Variants in PTPRG observed in about 807,000 individuals in gnomAD.
The protein encoded by PTPRG is receptor-type tyrosine-protein phosphatase gamma.
In PTPRG, 102 loss-of-function variants were observed where a neutral mutation model predicts 165.3. The ratio of observed to expected loss-of-function variants is 0.62; its 90% CI spans 0.53 to 0.73. The LOEUF (loss-of-function observed/expected upper bound fraction) is 0.73. Ranked by LOEUF, PTPRG falls within the 30% of genes least tolerant of loss-of-function variation. The probability of loss-of-function intolerance (pLI) is 0.00; values close to 1 mark genes in which losing one functional copy is unlikely to be tolerated. For missense variants in PTPRG, 1,866 were observed against 1,861.4 expected (o/e 1.00, Z -0.05); for synonymous variants, 675 against 669.5 (o/e 1.01, Z -0.13).
chr3:62,196,752 A>G (rs1401105872), intron 10 of PTPRG, among the ~76,000 whole-genome samples: 1 of 152,178 alleles, frequency 6.6e-6, no homozygotes, highest in Non-Finnish European at 1.5e-5. Context: ...CAAATAAGAA[A>G]ACCACGCCAG....
chr3:61,602,316 C>T (rs113749802), intron 1 of PTPRG, among the ~76,000 whole-genome samples: 182 of 152,180 alleles, frequency 1.2e-3, no homozygotes, highest in Admixed American at 1.9e-3. Flanking sequence ...AATATGCCAC[C>T]TGCCCCCTTG....
At chr3:62,040,541 C>T (rs1025218003) in intron 4 of PTPRG, among the ~76,000 whole-genome samples, 1 of 152,210 alleles carries the variant, frequency 6.6e-6, no homozygotes, top group Non-Finnish European at 1.5e-5. Context: ...ACAGCCTCCA[C>T]CTCCAGGGTT....
intron 4 of PTPRG, among the ~76,000 whole-genome samples, chr3:62,057,151 T>C (rs17065828): frequency 0.21 from 31,991 of 152,070 alleles, 3,502 homozygotes; most frequent in Admixed American, 0.27. Flanking sequence ...TATTTGCAAT[T>C]GAGATCAGAG....
chr3:61,818,287 A>G (rs2035847895), intron 2 of PTPRG, among the ~76,000 whole-genome samples: 2 of 152,240 alleles, frequency 1.3e-5, no homozygotes, highest in African/African-American at 4.8e-5. Flanking sequence ...AGAATGTGAT[A>G]GATGGTATGA....
At chr3:62,098,569 AAC>A (rs1702189912) in intron 5 of PTPRG, among the ~76,000 whole-genome samples, 1 of 152,170 alleles carries the variant, frequency 6.6e-6, no homozygotes. Context: ...CATTAAAAAA[AAC>A]AGAGTTGGGG....
intron 1 of PTPRG, among the ~76,000 whole-genome samples, chr3:61,676,851 C>T (rs1391567341): frequency 1.3e-5 from 2 of 152,142 alleles, no homozygotes; most frequent in Non-Finnish European, 2.9e-5. Context: ...CTTTTATTGG[C>T]TTCCATAGCT....
At chr3:61,943,297 A>G (rs2039678877) in intron 2 of PTPRG, among the ~76,000 whole-genome samples, 1 of 152,206 alleles carries the variant, frequency 6.6e-6, no homozygotes, top group African/African-American at 2.4e-5. Context: ...TGACAAAAAT[A>G]CATGTAATAG....
chr3:61,594,725 C>T (rs1173411344), intron 1 of PTPRG, among the ~76,000 whole-genome samples: 1 of 152,220 alleles, frequency 6.6e-6, no homozygotes, highest in Non-Finnish European at 1.5e-5. Flanking sequence ...GTGGCGCCGA[C>T]ATCCATCACT....
At chr3:62,108,673 C>T (rs1027991014) in intron 5 of PTPRG, among the ~76,000 whole-genome samples, 11 of 152,156 alleles carry the variant, frequency 7.2e-5, no homozygotes, top group African/African-American at 2.2e-4. Flanking sequence ...AGTGTAAAAG[C>T]GTTCCTATTT....
intron 2 of PTPRG, chr3:61,769,578 C>T (rs1047707259): frequency 2.6e-4 from 40 of 152,060 alleles, no homozygotes; most frequent in African/African-American, 8.2e-4. Flanking sequence ...TAGATGCCCA[C>T]TAATGGTTTG....
At chr3:62,241,143 T>A (rs576884742) in intron 14 of PTPRG, among the ~76,000 whole-genome samples, 1 of 152,180 alleles carries the variant, frequency 6.6e-6, no homozygotes, top group Non-Finnish European at 1.5e-5. Flanking sequence ...GCCTAATTTT[T>A]CTGCAAAGAT....
At chr3:62,060,873 G>A (rs115542564) in intron 4 of PTPRG, among the ~76,000 whole-genome samples, 9,204 of 152,194 alleles carry the variant, frequency 0.06, 383 homozygotes, top group South Asian at 0.16. Context: ...AATACATGGA[G>A]TTCTGTAACT....
chr3:62,113,149 A>C (rs1702729646), intron 5 of PTPRG, among the ~76,000 whole-genome samples: 2 of 152,174 alleles, frequency 1.3e-5, no homozygotes, highest in African/African-American at 4.8e-5. Flanking sequence ...AGGCTCCCAG[A>C]AGTTTGCTGA....
chr3:61,671,923 C>T (rs1453339749), intron 1 of PTPRG, among the ~76,000 whole-genome samples: 1 of 141,606 alleles, frequency 7.1e-6, no homozygotes, highest in African/African-American at 2.7e-5. Context: ...CCCTCCCGGA[C>T]GAGGTGGCTG....
At chr3:61,804,758 A>G (rs1273232655) in intron 2 of PTPRG, among the ~76,000 whole-genome samples, 2 of 152,022 alleles carry the variant, frequency 1.3e-5, no homozygotes, top group African/African-American at 4.8e-5. Context: ...ACAAAAGTTC[A>G]CGTTTCTGTT....
At chr3:62,207,316 C>T (rs1246550989) in intron 12 of PTPRG, among the ~76,000 whole-genome samples, 1 of 152,202 alleles carries the variant, frequency 6.6e-6, no homozygotes, top group Non-Finnish European at 1.5e-5. Flanking sequence ...TTGCCAACCC[C>T]TGGTTTACAC....
rs145775764 is a variant in PTPRG at position 61,611,583 on chromosome 3, A to G, written c.85+49211A>G. The stretch of plus-strand genomic sequence containing the variant: ...AAGTACATTTTTCTAGTGGGCCTTC[A>G]GTTTATTTGGAGCTGCTTTCCCCAA... On this transcript the variant is annotated intron_variant, in intron 1 of 29. Transcript: ENST00000474889. Among the ~76,000 whole-genome samples the G allele has an allele frequency of 2.5e-3, 380 of 152,288 alleles. 1 individual carries two copies. Among genetic ancestry groups the G allele is most frequent in the African/African-American group, 8.8e-3 (367 of 41,588 alleles).
chr3:61,917,395 G>A (rs748008309), intron 2 of PTPRG, among the ~76,000 whole-genome samples: 1 of 152,248 alleles, frequency 6.6e-6, no homozygotes, highest in Admixed American at 6.5e-5. Context: ...AACATGCCAC[G>A]TTGCCTGGCA....
At chr3:61,910,030 C>G (rs1170579774) in intron 2 of PTPRG, among the ~76,000 whole-genome samples, 9 of 152,064 alleles carry the variant, frequency 5.9e-5, no homozygotes, top group African/African-American at 9.7e-5. Flanking sequence ...ATATTCCATT[C>G]TTTTTTCCCC....
Sources: gnomAD v4.1 joint callset for allele counts (sites outside exome capture counted in the v4.1 genomes callset) on GRCh38, gnomAD v4.1.1 for gene constraint, MANE v1.5 for transcripts, NCBI Gene and HGNC (gene_info 2026-07-23, HGNC 2026-07-21) for gene names.